DLG5: variants seen among roughly 807,000 people sequenced by gnomAD.
DLG5 encodes the protein disks large homolog 5.
A neutral mutation model predicts 189.8 loss-of-function variants in DLG5; 48 were observed. That is an observed-to-expected ratio of 0.25 (90% CI 0.20 to 0.32). The LOEUF (loss-of-function observed/expected upper bound fraction) is 0.32, where lower values mean the gene tolerates loss of function less well. Ranked by LOEUF, DLG5 falls within the 10% of genes least tolerant of loss-of-function variation. The pLI is 1.00. For synonymous variants in DLG5, 1,016 were observed against 1,054.1 expected (o/e 0.96, Z 0.70); for missense variants, 2,160 against 2,544.7 (o/e 0.85, Z 3.25).
At chr10:77,888,935 T>A (rs1845525770) in intron 1 of DLG5, among the ~76,000 whole-genome samples, 1 of 150,924 alleles carries the variant, frequency 6.6e-6, no homozygotes, top group Non-Finnish European at 1.5e-5. Flanking sequence ...TCCAAACGTC[T>A]CCATTCCCCC....
intron 1 of DLG5, among the ~76,000 whole-genome samples, chr10:77,872,525 T>TG (rs1028981110): frequency 2.6e-5 from 4 of 151,958 alleles, no homozygotes; most frequent in African/African-American, 9.7e-5. Flanking sequence ...TAGGAGCTGG[T>TG]GGGGGGAGTG....
chr10:77,862,966 G>C (rs1341557175), intron 2 of DLG5, among the ~76,000 whole-genome samples: 1 of 152,148 alleles, frequency 6.6e-6, no homozygotes. Flanking sequence ...AAGATACAGA[G>C]GGCAGTGTTT....
At chr10:77,800,983 G>C (rs533562135) in intron 27 of DLG5, among the ~76,000 whole-genome samples, 1 of 152,206 alleles carries the variant, frequency 6.6e-6, no homozygotes, top group African/African-American at 2.4e-5. Flanking sequence ...GGATCAAAGT[G>C]ATCTGCGAGC....
At chr10:77,847,190 C>A (rs1391245504) in intron 5 of DLG5, among the ~76,000 whole-genome samples, 1 of 152,134 alleles carries the variant, frequency 6.6e-6, no homozygotes, top group Non-Finnish European at 1.5e-5. Context: ...CTGCTCCCCC[C>A]AGCCTTCATA....
chr10:77,926,569 C>G lies in DLG5; in HGVS notation c.-49G>C, dbSNP rs1306271415. The G allele has an allele frequency of 1.7e-6, 2 of 1,203,080 alleles. No homozygotes were observed. Among genetic ancestry groups the G allele is most frequent in the East Asian group, 3.5e-5 (1 of 28,904 alleles). The allele number at this position is 1,203,080 out of a possible 1,614,324, so 74.5% of individuals were successfully genotyped here. A position where few individuals can be genotyped will look rare whatever the true frequency, so the allele number is the denominator to read the frequency against. ...CCCGCCGGACGCCTCCCGGGCCCCC[C>G]GAGGCCGGCGGGCGGGCAGGCGAGC... On this transcript the variant is annotated 5_prime_UTR_variant, in exon 1 of 32. Coordinates refer to ENST00000372391, the MANE Select transcript of DLG5 (RefSeq NM_004747.4). The surrounding 1 kb of genome is among the most constrained non-coding windows in gnomAD (Gnocchi z 5.2).
intron 1 of DLG5, among the ~76,000 whole-genome samples, chr10:77,908,070 C>T (rs1846116030): frequency 6.6e-6 from 1 of 152,166 alleles, no homozygotes; most frequent in African/African-American, 2.4e-5. Flanking sequence ...GATCCCACTG[C>T]AGAGGTGAGG....
chr10:77,869,134 C>G lies in DLG5; in HGVS notation c.368G>C (p.Ser123Thr). 6.2e-7 allele frequency: 1 copy of G among 1,613,900 alleles called. No individual in the cohort carries two copies. The highest frequency in any genetic ancestry group is 1.3e-5 in the African/African-American group (1 of 74,994). ...SDSESSSSLS[S>T]VGTTGKAPSP... ...CCCCAGACAGTGGTACTCACCCACA[C>G]TGCTGAGGGAGCTGCTGCTTTCTGA... The change falls in exon 2 of 32, where the codon AGT (serine) becomes ACT (threonine). Residue 123 changes from serine (S) to threonine (T), a missense_variant. Physicochemically the swap from Ser to Thr is moderately conservative, Grantham distance 58. This residue lies in a region of DLG5 where 664 missense variants were observed against 838.5 expected (regional missense o/e 0.79). Transcript: ENST00000372391.
intron 1 of DLG5, among the ~76,000 whole-genome samples, chr10:77,887,141 C>A (rs1845463590): frequency 6.6e-6 from 1 of 152,192 alleles, no homozygotes; most frequent in African/African-American, 2.4e-5. Flanking sequence ...AAAACTTCAG[C>A]CCCCAGGACA....
chr10:77,901,679 G>C (rs1845931446), intron 1 of DLG5, among the ~76,000 whole-genome samples: 1 of 152,206 alleles, frequency 6.6e-6, no homozygotes, highest in Non-Finnish European at 1.5e-5. Context: ...TCTAGGCACA[G>C]GATGCAGCAA....
the DLG5 span, among the ~76,000 whole-genome samples, chr10:77,935,282 C>T: frequency 6.6e-6 from 1 of 152,024 alleles, no homozygotes; most frequent in Non-Finnish European, 1.5e-5. Flanking sequence ...CATTATTGTA[C>T]CCTCTGTACC....
chr10:77,872,198 G>A lies in DLG5; in HGVS notation c.305-3001C>T, dbSNP rs932492352. Among the ~76,000 whole-genome samples, 61 of 152,150 alleles carry A rather than the reference G, an allele frequency of 4.0e-4. 1 individual carries two copies. The highest frequency in any genetic ancestry group is 1.5e-4 in the Non-Finnish European group (10 of 68,040). On this transcript the variant is annotated intron_variant, in intron 1 of 31. Transcript: ENST00000372391. ...GCCTGCGCTCCAGATGCCTCTGCTG[G>A]AACGCTCCCCTCTTTCTTACTCTTG...
intron 5 of DLG5, among the ~76,000 whole-genome samples, chr10:77,848,587 G>C (rs1159649926): frequency 1.3e-5 from 2 of 152,024 alleles, no homozygotes; most frequent in Non-Finnish European, 2.9e-5. Flanking sequence ...GGAAGATGTT[G>C]ACCACCAAGA....
chr10:77,922,091 G>A (rs974247586), intron 1 of DLG5, among the ~76,000 whole-genome samples: 5 of 152,072 alleles, frequency 3.3e-5, no homozygotes, highest in African/African-American at 1.2e-4. Flanking sequence ...TCTCATGAGC[G>A]TCCCATTCCC....
At chr10:77,813,760 C>T (rs1841899158) in intron 20 of DLG5, among the ~76,000 whole-genome samples, 1 of 152,192 alleles carries the variant, frequency 6.6e-6, no homozygotes, top group Non-Finnish European at 1.5e-5. Context: ...CCCAATAGAA[C>T]AATGATCTGA....
At chr10:77,829,207 C>T (rs1564523316) in intron 12 of DLG5, 148 bp downstream of exon 12, 1 of 1,214,820 alleles carries the variant, frequency 8.2e-7, no homozygotes, top group Non-Finnish European at 1.2e-6. Flanking sequence ...CAGACCACCT[C>T]TTGCCAGAAA....
intron 26 of DLG5, 150 bp downstream of exon 26, chr10:77,806,608 T>G: frequency 8.9e-7 from 1 of 1,122,318 alleles, no homozygotes; most frequent in Non-Finnish European, 1.3e-6. Flanking sequence ...CCAGCACTTT[T>G]GGCAAAATGT....
the DLG5 span, among the ~76,000 whole-genome samples, chr10:77,940,300 C>T: frequency 6.6e-6 from 1 of 152,206 alleles, no homozygotes; most frequent in Non-Finnish European, 1.5e-5. Flanking sequence ...TTTGAGGCCT[C>T]TGACAAAGGC....
intron 1 of DLG5, among the ~76,000 whole-genome samples, chr10:77,874,946 A>T (rs373132455): frequency 6.6e-6 from 1 of 152,250 alleles, no homozygotes; most frequent in African/African-American, 2.4e-5. Flanking sequence ...CACTCTCAAG[A>T]AAAATAATAG....
chr10:77,846,488 G>C (rs185126653), intron 5 of DLG5, among the ~76,000 whole-genome samples: 1 of 152,118 alleles, frequency 6.6e-6, no homozygotes, highest in Admixed American at 6.5e-5. Context: ...CACAAGATTG[G>C]AAGTTCCAGA....
Sources: gnomAD v4.1 joint callset for allele counts (sites outside exome capture counted in the v4.1 genomes callset) on GRCh38, gnomAD v4.1.1 for gene constraint, gnomAD v4.1.1 regional missense constraint, Gnocchi (gnomAD v3.1) non-coding constraint, MANE v1.5 for transcripts, NCBI Gene and HGNC (gene_info 2026-07-23, HGNC 2026-07-21) for gene names.